GALNT13: variants seen among roughly 807,000 people sequenced by gnomAD.
GALNT13 encodes the protein polypeptide N-acetylgalactosaminyltransferase 13.
GALNT13 carries 28 observed loss-of-function variants against 64.2 expected under a neutral mutation model. The ratio of observed to expected loss-of-function variants is 0.44; its 90% CI spans 0.32 to 0.60. The LOEUF (loss-of-function observed/expected upper bound fraction) is 0.60, where lower values mean the gene tolerates loss of function less well. GALNT13 is among the 20% of genes least tolerant of loss of function. GALNT13 has a pLI of 0.05. For missense variants in GALNT13, 577 were observed against 669.8 expected (o/e 0.86, Z 1.53); for synonymous variants, 214 against 224.6 (o/e 0.95, Z 0.42).
the GALNT13 span, among the ~76,000 whole-genome samples, chr2:153,527,096 G>A: frequency 6.6e-6 from 1 of 152,102 alleles, no homozygotes; most frequent in African/African-American, 2.4e-5. Context: ...TAAAGAGGAG[G>A]TAGAAAAGAG....
At chr2:153,405,123 T>G in the GALNT13 span, among the ~76,000 whole-genome samples, 1 of 152,234 alleles carries the variant, frequency 6.6e-6, no homozygotes, top group South Asian at 2.1e-4. Flanking sequence ...AAAAAGGGAC[T>G]AGAAACTCAA....
chr2:153,781,397 A>T, the GALNT13 span, among the ~76,000 whole-genome samples: 1 of 152,168 alleles, frequency 6.6e-6, no homozygotes, highest in Non-Finnish European at 1.5e-5. Flanking sequence ...ATGCGCTTAC[A>T]TACTTTTTGG....
chr2:153,571,178 T>C, the GALNT13 span, among the ~76,000 whole-genome samples: 5 of 152,032 alleles, frequency 3.3e-5, no homozygotes, highest in Non-Finnish European at 5.9e-5. Context: ...TTTATTTCTT[T>C]GGTTAACTTA....
At chr2:154,142,003 C>T (rs548968999) in intron 4 of GALNT13, among the ~76,000 whole-genome samples, 2 of 152,102 alleles carry the variant, frequency 1.3e-5, no homozygotes, top group Non-Finnish European at 2.9e-5. Flanking sequence ...AAAACAAACT[C>T]TTGGCATTAA....
chr2:154,350,578 C>T (rs539357665), intron 9 of GALNT13, among the ~76,000 whole-genome samples: 1 of 152,288 alleles, frequency 6.6e-6, no homozygotes, highest in African/African-American at 2.4e-5. Flanking sequence ...TGCAGACAGC[C>T]TATTGTGGAA....
At chr2:153,850,966 T>TC in the GALNT13 span, among the ~76,000 whole-genome samples, 1 of 152,180 alleles carries the variant, frequency 6.6e-6, no homozygotes, top group Non-Finnish European at 1.5e-5. Context: ...ACCCTTTTTT[T>TC]CTCTGTCACC....
chr2:153,179,428 A>G, the GALNT13 span, among the ~76,000 whole-genome samples: 11 of 152,152 alleles, frequency 7.2e-5, 1 homozygote, highest in African/African-American at 2.7e-4. Context: ...TTTTTATTCC[A>G]GTACCATGCT....
intron 9 of GALNT13, among the ~76,000 whole-genome samples, chr2:154,325,167 G>A (rs1015873042): frequency 6.6e-6 from 1 of 151,946 alleles, no homozygotes; most frequent in African/African-American, 2.4e-5. Flanking sequence ...ATATTAGAGA[G>A]CCGGGGCCAG....
the GALNT13 span, among the ~76,000 whole-genome samples, chr2:153,745,122 A>G: frequency 2.0e-5 from 3 of 152,116 alleles, no homozygotes; most frequent in Non-Finnish European, 4.4e-5. Flanking sequence ...TTTTGTCCAG[A>G]CAGTGCTTGG....
At chr2:153,475,011 A>T in the GALNT13 span, among the ~76,000 whole-genome samples, 1 of 152,236 alleles carries the variant, frequency 6.6e-6, no homozygotes, top group Non-Finnish European at 1.5e-5. Context: ...CCGACACTCC[A>T]TAAATTCTGA....
chr2:153,673,717 C>T, the GALNT13 span, among the ~76,000 whole-genome samples: 5 of 152,202 alleles, frequency 3.3e-5, no homozygotes, highest in East Asian at 7.7e-4. Flanking sequence ...GGCAATCAGA[C>T]AAGAGAAAGA....
intron 3 of GALNT13, among the ~76,000 whole-genome samples, chr2:154,127,854 A>G (rs1439040599): frequency 6.6e-6 from 1 of 151,648 alleles, no homozygotes; most frequent in African/African-American, 2.4e-5. Flanking sequence ...TCATATATGT[A>G]TATACATAAA....
At chr2:153,413,812 G>A in the GALNT13 span, among the ~76,000 whole-genome samples, 108 of 152,272 alleles carry the variant, frequency 7.1e-4, 1 homozygote, top group Non-Finnish European at 1.5e-3. Context: ...TAAGTGCTTA[G>A]TATTGTATTC....
chr2:154,270,301 C>T (rs2105921148), intron 8 of GALNT13, among the ~76,000 whole-genome samples: 1 of 151,944 alleles, frequency 6.6e-6, no homozygotes, highest in Middle Eastern at 3.4e-3. Context: ...AATTTGGAGA[C>T]ATGCTTATAG....
At chr2:153,358,064 C>G in the GALNT13 span, among the ~76,000 whole-genome samples, 6 of 151,926 alleles carry the variant, frequency 3.9e-5, no homozygotes, top group African/African-American at 1.5e-4. Context: ...GCAAATTTAC[C>G]CATGTGCTTG....
At chr2:153,659,462 C>A in the GALNT13 span, among the ~76,000 whole-genome samples, 2 of 152,118 alleles carry the variant, frequency 1.3e-5, no homozygotes, top group Non-Finnish European at 2.9e-5. Flanking sequence ...CTTTGCCTAT[C>A]TAAATTCTTC....
the GALNT13 span, among the ~76,000 whole-genome samples, chr2:153,422,477 A>G: frequency 1.3e-5 from 2 of 152,322 alleles, no homozygotes; most frequent in Admixed American, 1.3e-4. Flanking sequence ...CTGCTGTACA[A>G]TTGTACTTAA....
the GALNT13 span, among the ~76,000 whole-genome samples, chr2:153,293,517 C>G: frequency 6.6e-6 from 1 of 152,092 alleles, no homozygotes; most frequent in East Asian, 1.9e-4. Flanking sequence ...CAATTTTCTC[C>G]TAGAGTCTCC....
At position 154,007,985 on chromosome 2, in the gene GALNT13, G is replaced by T. The variant is rs1255944550; in HGVS notation, c.142+63346G>T. Among the ~76,000 whole-genome samples, 2 of 148,878 alleles carry T rather than the reference G, an allele frequency of 1.3e-5. 1 individual carries two copies. The highest frequency in any genetic ancestry group is 3.0e-5 in the Non-Finnish European group (2 of 65,734). On this transcript the variant is annotated intron_variant, in intron 3 of 12. Coordinates refer to ENST00000392825, the MANE Select transcript of GALNT13 (RefSeq NM_052917.4). ...ATTCCATCCCTACCCCTCCGTCAGT[G>T]CCCCCCAACTATTCTCATGGTTATC...
Sources: gnomAD v4.1 joint callset for allele counts (sites outside exome capture counted in the v4.1 genomes callset) on GRCh38, gnomAD v4.1.1 for gene constraint, MANE v1.5 for transcripts, NCBI Gene and HGNC (gene_info 2026-07-23, HGNC 2026-07-21) for gene names.